Variants in ARHGEF16 observed in about 807,000 individuals in gnomAD.
The protein encoded by ARHGEF16 is Rho guanine nucleotide exchange factor 16, also known as Rho guanine exchange factor (GEF) 16.
ARHGEF16 carries 59 observed loss-of-function variants against 74.1 expected under a neutral mutation model. The observed-to-expected ratio is 0.80, with a 90% CI of 0.65 to 0.99. The LOEUF (loss-of-function observed/expected upper bound fraction) is 0.99. ARHGEF16 is among the 50% of genes least tolerant of loss of function. ARHGEF16 has a pLI of 0.00. For synonymous variants in ARHGEF16, 415 were observed against 412.6 expected (o/e 1.01, Z -0.07); for missense variants, 948 against 986.6 (o/e 0.96, Z 0.52).
intron 4 of ARHGEF16, 77 bp downstream of exon 4, chr1:3,467,414 G>T: frequency 1.4e-6 from 2 of 1,446,042 alleles, no homozygotes; most frequent in Non-Finnish European, 1.8e-6. Flanking sequence ...CCTTCCCCAA[G>T]CCCAGGCGGC....
At chr1:3,465,991 C>G in intron 2 of ARHGEF16, 157 bp from the exon 3 acceptor site, 1 of 752,986 alleles carries the variant, frequency 1.3e-6, no homozygotes, top group Admixed American at 2.9e-5. Context: ...CTCTCTTGGC[C>G]TCTGCTTGGC....
chr1:3,459,531 G>A (rs1358393269), intron 1 of ARHGEF16, among the ~76,000 whole-genome samples: 2 of 152,182 alleles, frequency 1.3e-5, no homozygotes, highest in East Asian at 3.9e-4. Context: ...GCCGGGAGCA[G>A]GTGAGAGGGG....
In ARHGEF16 at chr1:3,473,377, C is replaced by G. The variant is rs746995440; in HGVS notation, c.1176-16C>G. ...GGCCATGCAGAGCCTGGAAGGACAG[C>G]CTTGTCCTCTTGCAGAAGCAGCAAC... On this transcript the variant is annotated splice_polypyrimidine_tract_variant and intron_variant, in intron 7 of 14. Transcript: ENST00000378378. 5 of 1,597,658 alleles carry G rather than the reference C, an allele frequency of 3.1e-6. No individual in the cohort carries two copies. The South Asian group carries it at 3.4e-5, about 11-fold the overall frequency.
At position 3,458,593 on chromosome 1, in the gene ARHGEF16, C is replaced by A. The variant is rs184801570; in HGVS notation, c.-20+3782C>A. Among the ~76,000 whole-genome samples the A allele has an allele frequency of 4.0e-3, 603 of 152,348 alleles. 5 individuals carry two copies. The highest frequency in any genetic ancestry group is 0.014 in the African/African-American group (572 of 41,574). On this transcript the variant is annotated intron_variant, in intron 1 of 14. Transcript: ENST00000378378. Reference sequence around the variant, plus strand: ...GCCCTCCCGGTCAGACACCTGTGCTCAGGGTGTGTGCACTTGGACCTCCCG... The same window carrying A: ...GCCCTCCCGGTCAGACACCTGTGCTAAGGGTGTGTGCACTTGGACCTCCCG...
At chr1:3,462,051 A>G (rs978958844) in intron 1 of ARHGEF16, among the ~76,000 whole-genome samples, 2 of 145,100 alleles carry the variant, frequency 1.4e-5, no homozygotes, top group Admixed American at 1.4e-4. Flanking sequence ...TGGGGTAGAG[A>G]TGGGCTCGGG....
rs1241064274 is a variant in ARHGEF16 at position 3,480,766 on chromosome 1, C to T, written c.*179C>T. 1.1e-5 allele frequency: 10 copies of T among 886,884 alleles called. No individual in the cohort carries two copies. Among genetic ancestry groups the T allele is most frequent in the Middle Eastern group, 3.5e-4 (1 of 2,836 alleles). 54.9% of individuals were successfully genotyped at this position (886,884 alleles called of 1,614,324 possible). A position where few individuals can be genotyped will look rare whatever the true frequency, so the allele number is the denominator to read the frequency against. ...ACTTCACGGAAGGAAGATCACATGTCCCCAGAGAGGCACCCCCAGGCAAGC... is the reference window on the plus strand; with the variant it reads ...ACTTCACGGAAGGAAGATCACATGTTCCCAGAGAGGCACCCCCAGGCAAGC... On this transcript the variant is annotated 3_prime_UTR_variant, in exon 15 of 15. Transcript: ENST00000378378.
At chr1:3,468,963 G>T (rs1014542741) in intron 5 of ARHGEF16, 27 bp downstream of exon 5, 8 of 1,548,922 alleles carry the variant, frequency 5.2e-6, no homozygotes, top group African/African-American at 4.1e-5. Context: ...CGGGAGGGCT[G>T]TCCCCCATGG....
At chr1:3,471,671 ACCT>A (rs764629884) in intron 6 of ARHGEF16, 26 of 1,231,358 alleles carry the variant, frequency 2.1e-5, no homozygotes, top group African/African-American at 3.3e-5. Context: ...TTTGCCTCTG[ACCT>A]CCTCAGGGCT....
At chr1:3,470,373 TGTA>T (rs1005999069) in intron 6 of ARHGEF16, among the ~76,000 whole-genome samples, 1 of 143,626 alleles carries the variant, frequency 7.0e-6, no homozygotes, top group Non-Finnish European at 1.5e-5. Flanking sequence ...TATGTGTGTG[TGTA>T]GGTGTGCATG....
At chr1:3,470,622 T>C (rs929706152) in intron 6 of ARHGEF16, among the ~76,000 whole-genome samples, 2 of 149,276 alleles carry the variant, frequency 1.3e-5, no homozygotes, top group Non-Finnish European at 3.0e-5. Context: ...TGGGTGTGTG[T>C]GCGTGGGCAG....
chr1:3,474,834 T>TGGGCCC, intron 9 of ARHGEF16, 52 bp downstream of exon 9: 1 of 1,528,040 alleles, frequency 6.5e-7, no homozygotes. Context: ...CCCGACCCTG[T>TGGGCCC]CCCCACCCAA....
intron 1 of ARHGEF16, among the ~76,000 whole-genome samples, chr1:3,459,126 G>C (rs1000530534): frequency 6.6e-6 from 1 of 152,196 alleles, no homozygotes; most frequent in Non-Finnish European, 1.5e-5. Context: ...TGGCTCAGTG[G>C]ACTAACATGG....
In ARHGEF16 at chr1:3,478,493, T is replaced by G. The variant is rs1639958628; in HGVS notation, c.1695T>G (p.Ser565=). The G allele has an allele frequency of 6.2e-7, 1 of 1,612,544 alleles. No individual in the cohort carries two copies. Among genetic ancestry groups the G allele is most frequent in the South Asian group, 1.1e-5 (1 of 91,084 alleles). ...NHIQVEKIEP[S]ELPLPGGGNR... ...TCCAGGTGGAGAAGATAGAGCCGTC[T>G]GAGCTCCCTCTGCCCGGGGGCGGCA... is the stretch of plus-strand genomic sequence containing the variant. The change falls in exon 12 of 15, where the codon TCT becomes TCG. Residue 565 remains serine, a synonymous_variant. Transcript: ENST00000378378.
intron 1 of ARHGEF16, among the ~76,000 whole-genome samples, chr1:3,459,797 G>A (rs987211469): frequency 2.6e-5 from 4 of 152,154 alleles, no homozygotes; most frequent in African/African-American, 7.2e-5. Context: ...GGGGCTCAGC[G>A]CCTTCTGCCG....
At chr1:3,476,367 A>C (rs1639875858) in intron 10 of ARHGEF16, among the ~76,000 whole-genome samples, 1 of 152,140 alleles carries the variant, frequency 6.6e-6, no homozygotes, top group South Asian at 2.1e-4. Flanking sequence ...GACCAAGCCC[A>C]GGGGGCAACA....
intron 8 of ARHGEF16, chr1:3,474,377 C>T (rs1172973478): frequency 3.0e-6 from 1 of 331,860 alleles, no homozygotes; most frequent in Admixed American, 4.1e-5. Context: ...ACCTCAAACT[C>T]CTGGGGGCCC....
At chr1:3,455,298 T>A (rs75368965) in intron 1 of ARHGEF16, among the ~76,000 whole-genome samples, 10,137 of 151,670 alleles carry the variant, frequency 0.067, 562 homozygotes, top group East Asian at 0.22. Flanking sequence ...CCCCAAAATT[T>A]CAGAAAAGCC....
At position 3,455,436 on chromosome 1, in the gene ARHGEF16, G is replaced by A. The variant is rs187056959; in HGVS notation, c.-20+625G>A. ...CCCTGAGAAGGGAGATGGGGAGGGGGAGGGGTGCGTCCCACCTACCAGGGA... is the reference window on the plus strand; with the variant it reads ...CCCTGAGAAGGGAGATGGGGAGGGGAAGGGGTGCGTCCCACCTACCAGGGA... On this transcript the variant is annotated intron_variant, in intron 1 of 14. Coordinates refer to ENST00000378378, the MANE Select transcript of ARHGEF16 (RefSeq NM_014448.4). 2.0e-5 allele frequency among the ~76,000 whole-genome samples: 3 copies of A among 152,282 alleles called. No homozygotes were observed. In the East Asian group the frequency reaches 5.8e-4, roughly 29 times the overall value.
intron 6 of ARHGEF16, chr1:3,471,860 C>G (rs1452790205): frequency 1.9e-6 from 2 of 1,028,486 alleles, no homozygotes; most frequent in Non-Finnish European, 2.4e-6. Context: ...GAGCTGCTGA[C>G]CGGCCTGGCC....
Sources: allele counts gnomAD v4.1 joint callset (sites outside exome capture counted in the v4.1 genomes callset), GRCh38; gene constraint gnomAD v4.1.1; transcripts MANE v1.5; gene names NCBI Gene and HGNC (gene_info 2026-07-23, HGNC 2026-07-21).